The following FHIP1A variants were observed in gnomAD, a reference collection of about 807,000 sequenced individuals.
The protein encoded by FHIP1A is FHF complex subunit HOOK interacting protein 1A.
FHIP1A carries 61 observed loss-of-function variants against 88.6 expected under a neutral mutation model. The observed-to-expected ratio is 0.69, with a 90% CI of 0.56 to 0.85. The LOEUF is 0.85. FHIP1A is among the 40% of genes least tolerant of loss of function. The probability of loss-of-function intolerance (pLI) is 0.00; values close to 1 mark genes in which losing one functional copy is unlikely to be tolerated. For missense variants in FHIP1A, 1,154 were observed against 1,273.5 expected (o/e 0.91, Z 1.43); for synonymous variants, 478 against 496.0 (o/e 0.96, Z 0.48).
intron 3 of FHIP1A, among the ~76,000 whole-genome samples, chr4:151,507,578 T>A (rs1730878935): frequency 6.6e-6 from 1 of 152,248 alleles, no homozygotes; most frequent in Non-Finnish European, 1.5e-5. Flanking sequence ...CATATCATTA[T>A]ACATTGCCAA....
At chr4:151,633,998 G>A (rs539450686) in intron 8 of FHIP1A, among the ~76,000 whole-genome samples, 3 of 151,848 alleles carry the variant, frequency 2.0e-5, no homozygotes, top group Admixed American at 6.6e-5. Flanking sequence ...GTGTCTGTTT[G>A]TAGACAACAT....
At chr4:151,641,000 T>C (rs1353501850) in intron 9 of FHIP1A, among the ~76,000 whole-genome samples, 1 of 151,642 alleles carries the variant, frequency 6.6e-6, no homozygotes, top group Non-Finnish European at 1.5e-5. Flanking sequence ...TGAGGATAAA[T>C]ATACCAGGAA....
intron 1 of FHIP1A, among the ~76,000 whole-genome samples, chr4:151,429,291 GTACACCATAAA>G (rs1417952172): frequency 6.6e-6 from 1 of 152,156 alleles, no homozygotes; most frequent in Non-Finnish European, 1.5e-5. Context: ...TACAGATTAG[GTACACCATAAA>G]TATTTGTTGA....
intron 2 of FHIP1A, among the ~76,000 whole-genome samples, chr4:151,476,003 A>G (rs2126626278): frequency 6.6e-6 from 1 of 151,822 alleles, no homozygotes; most frequent in East Asian, 1.9e-4. Flanking sequence ...CCGGGACTAC[A>G]GGTGCCCACC....
chr4:151,419,736 C>T (rs1172732670), intron 1 of FHIP1A, among the ~76,000 whole-genome samples: 1 of 17,486 alleles, frequency 5.7e-5, no homozygotes, highest in Non-Finnish European at 1.2e-4. Flanking sequence ...GCTATCCCTC[C>T]CCCCTCCCCC....
chr4:151,496,622 C>G (rs948649886), intron 3 of FHIP1A, among the ~76,000 whole-genome samples: 6 of 151,540 alleles, frequency 4.0e-5, no homozygotes, highest in Non-Finnish European at 7.4e-5. Context: ...AATCTCAGCT[C>G]ACTGCATTCT....
rs371566260 is a variant in FHIP1A at position 151,629,830 on chromosome 4, C to G, written c.1107C>G (p.Ile369Met). Reference sequence around the variant, plus strand: ...TGCACCAGCACGAGAATGTCCACATCCTAGACACTCTCACGAGTCGAATCA... The same window carrying G: ...TGCACCAGCACGAGAATGTCCACATGCTAGACACTCTCACGAGTCGAATCA... Reference protein sequence around the residue: ...ILLHQHENVHILDTLTSRINT... With the variant: ...ILLHQHENVHMLDTLTSRINT... The change falls in exon 8 of 14, where the codon ATC becomes ATG. Residue 369 changes from isoleucine to methionine, a missense_variant. By Grantham distance (10) the Ile-to-Met change is conservative (BLOSUM62 1). Coordinates refer to ENST00000435205, the MANE Select transcript of FHIP1A (RefSeq NM_001109977.3). The G allele has an allele frequency of 1.5e-5, 24 of 1,551,386 alleles. No homozygotes were observed. The African/African-American group carries it at 3.1e-4, about 20-fold the overall frequency.
At chr4:151,568,345 C>A (rs894574047) in intron 4 of FHIP1A, among the ~76,000 whole-genome samples, 5 of 152,184 alleles carry the variant, frequency 3.3e-5, no homozygotes, top group African/African-American at 1.2e-4. Context: ...TTGAGACACT[C>A]ATGGTCTTAC....
At chr4:151,416,671 T>C (rs1732902781) in intron 1 of FHIP1A, among the ~76,000 whole-genome samples, 1 of 152,234 alleles carries the variant, frequency 6.6e-6, no homozygotes, top group Non-Finnish European at 1.5e-5. Context: ...TTGATTTTCT[T>C]GGTATAAAAA....
chr4:151,662,806 T>G lies in FHIP1A; in HGVS notation c.*52T>G. 1 of 1,384,982 alleles carries G rather than the reference T, an allele frequency of 7.2e-7. No individual in the cohort carries two copies. The highest frequency in any genetic ancestry group is 2.0e-4 in the Middle Eastern group (1 of 5,096). The allele number at this position is 1,384,982 out of a possible 1,614,324, so 85.8% of individuals were successfully genotyped here. A position where few individuals can be genotyped will look rare whatever the true frequency, so the allele number is the denominator to read the frequency against. On this transcript the variant is annotated 3_prime_UTR_variant, in exon 14 of 14. Transcript: ENST00000435205. ...TCTTGTTTTGTAAGGTTTTAGTGTCTTGACTGAATGTTAAATGCAAAGCTG... is the reference window on the plus strand; with the variant it reads ...TCTTGTTTTGTAAGGTTTTAGTGTCGTGACTGAATGTTAAATGCAAAGCTG...
chr4:151,599,354 A>G (rs1466693298), intron 7 of FHIP1A, among the ~76,000 whole-genome samples: 1 of 152,202 alleles, frequency 6.6e-6, no homozygotes, highest in Non-Finnish European at 1.5e-5. Context: ...ATTCATTGGT[A>G]TAGTTCTGTT....
chr4:151,431,926 A>G (rs1168806232), intron 1 of FHIP1A, among the ~76,000 whole-genome samples: 6 of 152,234 alleles, frequency 3.9e-5, no homozygotes. Flanking sequence ...AGTTGCCCAA[A>G]GTCATATGGG....
At chr4:151,454,382 T>C (rs1033719281) in intron 1 of FHIP1A, among the ~76,000 whole-genome samples, 2 of 152,182 alleles carry the variant, frequency 1.3e-5, no homozygotes, top group Admixed American at 1.3e-4. Context: ...TGGGTCTGCT[T>C]GTATGACACA....
At chr4:151,611,440 G>A (rs998271260) in intron 7 of FHIP1A, among the ~76,000 whole-genome samples, 1 of 152,174 alleles carries the variant, frequency 6.6e-6, no homozygotes, top group Non-Finnish European at 1.5e-5. Flanking sequence ...AATGATGTTT[G>A]AAATGTGCTC....
At chr4:151,480,591 C>A (rs886665082) in intron 2 of FHIP1A, among the ~76,000 whole-genome samples, 2 of 151,892 alleles carry the variant, frequency 1.3e-5, no homozygotes, top group African/African-American at 4.8e-5. Flanking sequence ...AAACCCCTTG[C>A]GATTAAATGG....
intron 2 of FHIP1A, among the ~76,000 whole-genome samples, chr4:151,480,859 A>G (rs1291395669): frequency 6.6e-6 from 1 of 151,244 alleles, no homozygotes; most frequent in Non-Finnish European, 1.5e-5. Context: ...TTTCACGAAT[A>G]TTTGTTATAA....
intron 9 of FHIP1A, among the ~76,000 whole-genome samples, chr4:151,641,913 T>G (rs974085805): frequency 1.3e-5 from 2 of 152,258 alleles, no homozygotes; most frequent in African/African-American, 4.8e-5. Context: ...GCTGTGAAGA[T>G]TATGTGACTG....
At chr4:151,410,270 C>T (rs1031693625) in intron 1 of FHIP1A, among the ~76,000 whole-genome samples, 1 of 152,202 alleles carries the variant, frequency 6.6e-6, no homozygotes, top group Non-Finnish European at 1.5e-5. Context: ...GATGCTGCAG[C>T]CCCAGCTATC....
intron 7 of FHIP1A, among the ~76,000 whole-genome samples, chr4:151,601,125 A>G (rs1734850847): frequency 6.6e-6 from 1 of 152,192 alleles, no homozygotes; most frequent in African/African-American, 2.4e-5. Context: ...AACTTCAGTC[A>G]TGGGTTACAA....
Sources: gnomAD v4.1 joint callset for allele counts (sites outside exome capture counted in the v4.1 genomes callset) on GRCh38, gnomAD v4.1.1 for gene constraint, MANE v1.5 for transcripts, NCBI Gene and HGNC (gene_info 2026-07-23, HGNC 2026-07-21) for gene names.